The following DEDD variants were observed in gnomAD, a reference collection of about 807,000 sequenced individuals.
DEDD encodes death effector domain containing.
A neutral mutation model predicts 29.2 loss-of-function variants in DEDD; 3 were observed. The ratio of observed to expected loss-of-function variants is 0.10; its 90% CI spans 0.05 to 0.27. The LOEUF (loss-of-function observed/expected upper bound fraction) is 0.27. DEDD is among the 10% of genes least tolerant of loss of function. The pLI is 1.00. For synonymous variants in DEDD, 152 were observed against 161.3 expected, an observed-to-expected ratio of 0.94 and a Z score of 0.44; for missense variants, 261 against 420.5, an observed-to-expected ratio of 0.62 and a Z score of 3.32.
chr1:161,125,780 G>A (rs1203197738), intron 2 of DEDD, among the ~76,000 whole-genome samples: 2 of 152,184 alleles, frequency 1.3e-5, no homozygotes, highest in East Asian at 3.8e-4. Context: ...GGGATTACAG[G>A]CGTGAGCCAC....
At position 161,123,227 on chromosome 1, in the gene DEDD, CA is replaced by C; in HGVS notation, c.434-7del. ...CACAGGATAGTGGGGAGGCACTGACCAGAAAGTAAAAGGGAAGAAAACACAG... is the reference window on the plus strand; with the variant it reads ...CACAGGATAGTGGGGAGGCACTGACCGAAAGTAAAAGGGAAGAAAACACAG... On this transcript the variant is annotated splice_polypyrimidine_tract_variant and splice_region_variant and intron_variant, in intron 4 of 5. Transcript: ENST00000368006. 2 of 1,611,518 alleles carry C rather than the reference CA, an allele frequency of 1.2e-6. No individual in the cohort carries two copies. The highest frequency in any genetic ancestry group is 4.5e-5 in the East Asian group (2 of 44,804).
chr1:161,131,899 C>T (rs1656707702), intron 1 of DEDD, among the ~76,000 whole-genome samples: 1 of 152,016 alleles, frequency 6.6e-6, no homozygotes, highest in Admixed American at 6.6e-5. Flanking sequence ...ATCTCCCATT[C>T]CACTCCCCTT....
chr1:161,129,944 TC>T (rs1348246065), intron 2 of DEDD, among the ~76,000 whole-genome samples: 1 of 152,178 alleles, frequency 6.6e-6, no homozygotes, highest in East Asian at 1.9e-4. Context: ...TTTAGAGAAG[TC>T]CAAGTCAGCC....
chr1:161,122,268 T>G lies in DEDD; in HGVS notation c.836A>C (p.Asp279Ala). The change falls in exon 6 of 6, where the codon GAC becomes GCC. Residue 279 changes from aspartate to alanine, a missense_variant. By Grantham distance (126) the Asp-to-Ala change is moderately radical (BLOSUM62 -2). Coordinates refer to ENST00000368006, the MANE Select transcript of DEDD (RefSeq NM_032998.3). The surrounding 1 kb of genome is among the most constrained non-coding windows in gnomAD (Gnocchi z 4.2). ...LEALKGVFIT[D>A]SLKQAVGHEA... Reference sequence around the variant, plus strand: ...ATGGCCCACAGCTTGCTTGAGGGAGTCTGTGATGAAGACACCTTTAAGTGC... The same window carrying G: ...ATGGCCCACAGCTTGCTTGAGGGAGGCTGTGATGAAGACACCTTTAAGTGC... 6.2e-7 allele frequency: 1 copy of G among 1,613,946 alleles called. No homozygotes were observed. Among genetic ancestry groups the G allele is most frequent in the Non-Finnish European group, 8.5e-7 (1 of 1,179,990 alleles).
intron 2 of DEDD, among the ~76,000 whole-genome samples, chr1:161,128,091 A>G (rs1012243031): frequency 6.6e-6 from 1 of 152,220 alleles, no homozygotes; most frequent in Non-Finnish European, 1.5e-5. Context: ...ATTTGAGAGG[A>G]AACAAACACA....
intron 1 of DEDD, chr1:161,131,221 G>GA (rs906439073): frequency 2.6e-5 from 4 of 152,060 alleles, no homozygotes; most frequent in African/African-American, 9.7e-5. Flanking sequence ...TTCACCTTTA[G>GA]AAAAAACTGG....
chr1:161,121,813 T>C lies in DEDD; in HGVS notation c.*334A>G, dbSNP rs1446312344. ...GAAGTATTGATAACTCCTTAGTGCATCCAAAAAAAAGTGTTCACATCAATC... is the reference window on the plus strand; with the variant it reads ...GAAGTATTGATAACTCCTTAGTGCACCCAAAAAAAAGTGTTCACATCAATC... On this transcript the variant is annotated 3_prime_UTR_variant, in exon 6 of 6. Coordinates refer to ENST00000368006, the MANE Select transcript of DEDD (RefSeq NM_032998.3). 4.5e-6 allele frequency: 1 copy of C among 224,230 alleles called. No homozygotes were observed. The highest frequency in any genetic ancestry group is 9.0e-6 in the Non-Finnish European group (1 of 110,830). 13.9% of individuals were successfully genotyped at this position (224,230 alleles called of 1,614,324 possible).
At chr1:161,126,962 G>A (rs1656243973) in intron 2 of DEDD, among the ~76,000 whole-genome samples, 1 of 152,018 alleles carries the variant, frequency 6.6e-6, no homozygotes, top group Admixed American at 6.6e-5. Flanking sequence ...CCTCTTCTGT[G>A]CGCTTATGGA....
chr1:161,132,070 A>G (rs921950229), intron 1 of DEDD: 8 of 137,436 alleles, frequency 5.8e-5, no homozygotes, highest in South Asian at 4.6e-4. Context: ...GAAGCCCCCC[A>G]GAAACGTCTT....
chr1:161,121,067 C>CT lies in DEDD; in HGVS notation c.*1079dup. 1 of 1,221,956 alleles carries CT rather than the reference C, an allele frequency of 8.2e-7. No individual in the cohort carries two copies. Among genetic ancestry groups the CT allele is most frequent in the Non-Finnish European group, 1.0e-6 (1 of 971,350 alleles). The allele number at this position is 1,221,956 out of a possible 1,614,324, so 75.7% of individuals were successfully genotyped here. On this transcript the variant is annotated 3_prime_UTR_variant, in exon 6 of 6. Coordinates refer to ENST00000368006, the MANE Select transcript of DEDD (RefSeq NM_032998.3). ...TTGAAAAATATAATAATCATAAAGT[C>CT]TGTGTCTGGACATCGCCTTTGGGAA...
chr1:161,125,259 T>A (rs1656039384), intron 2 of DEDD: 1 of 152,174 alleles, frequency 6.6e-6, no homozygotes, highest in Non-Finnish European at 1.5e-5. Context: ...AAATCACGGG[T>A]AACCCTTATA....
chr1:161,123,339 G>A, intron 4 of DEDD, 118 bp from the exon 5 acceptor site: 1 of 1,015,926 alleles, frequency 9.8e-7, no homozygotes, highest in Non-Finnish European at 1.4e-6. Context: ...GGAAAAATGT[G>A]ACTTGAAAAG....
chr1:161,123,020 T>C (rs751466070), intron 5 of DEDD, 55 bp downstream of exon 5: 28 of 1,614,252 alleles, frequency 1.7e-5, no homozygotes, highest in Non-Finnish European at 2.4e-5. Flanking sequence ...TCCCAGCAGT[T>C]CTTTATATTC....
In DEDD at chr1:161,122,542, A is replaced by C. The variant is rs1032636023; in HGVS notation, c.581-19T>G. 1 of 1,610,098 alleles carries C rather than the reference A, an allele frequency of 6.2e-7. No individual in the cohort carries two copies. Among genetic ancestry groups the C allele is most frequent in the Admixed American group, 1.7e-5 (1 of 59,814 alleles). On this transcript the variant is annotated intron_variant, in intron 5 of 5. Coordinates refer to ENST00000368006, the MANE Select transcript of DEDD (RefSeq NM_032998.3). This position sits in a 1 kb window ranked among gnomAD's most constrained non-coding sequence, Gnocchi z 4.2. Reference sequence around the variant, plus strand: ...CTGATGTCTGTTGGAAACAGAAGATACAGAGCAGAAGAGGTTACAGTAAGG... The same window carrying C: ...CTGATGTCTGTTGGAAACAGAAGATCCAGAGCAGAAGAGGTTACAGTAAGG...
chr1:161,125,753 C>T (rs991905304), intron 2 of DEDD, among the ~76,000 whole-genome samples: 3 of 152,148 alleles, frequency 2.0e-5, no homozygotes, highest in East Asian at 1.9e-4. Context: ...CCACCCACCT[C>T]GGCCTCCCAA....
At chr1:161,129,191 T>C (rs1276538886) in intron 2 of DEDD, among the ~76,000 whole-genome samples, 1 of 152,204 alleles carries the variant, frequency 6.6e-6, no homozygotes, top group East Asian at 1.9e-4. Context: ...CTCAAGGCCA[T>C]GTGCTTGGGA....
chr1:161,123,043 G>A (rs1398502039), intron 5 of DEDD, 32 bp downstream of exon 5: 1 of 1,614,050 alleles, frequency 6.2e-7, no homozygotes, highest in Admixed American at 1.7e-5. Flanking sequence ...CTTCAAGTCT[G>A]CTCCATCTCT....
Position 161,122,867 on chromosome 1 carries a change from T to C in DEDD, c.580+208A>G. 1 of 892,720 alleles carries C rather than the reference T, an allele frequency of 1.1e-6. No individual in the cohort carries two copies. The highest frequency in any genetic ancestry group is 1.8e-6 in the Non-Finnish European group (1 of 570,200). The allele number at this position is 892,720 out of a possible 1,614,324, so 55.3% of individuals were successfully genotyped here. On this transcript the variant is annotated intron_variant, in intron 5 of 5. Transcript: ENST00000368006. This position sits in a 1 kb window ranked among gnomAD's most constrained non-coding sequence, Gnocchi z 4.2. ...GGATGTCATAACAACATCCCTGTGA[T>C]GTAGTATTAACTAACAAGAGTTGAA... is the stretch of plus-strand genomic sequence containing the variant.
chr1:161,125,265 T>C (rs1029454772), intron 2 of DEDD: 1 of 152,164 alleles, frequency 6.6e-6, no homozygotes, highest in African/African-American at 2.4e-5. Context: ...CGGGTAACCC[T>C]TATATAAATG....
Sources: gnomAD v4.1 joint callset for allele counts (sites outside exome capture counted in the v4.1 genomes callset) on GRCh38, gnomAD v4.1.1 for gene constraint, Gnocchi (gnomAD v3.1) non-coding constraint, MANE v1.5 for transcripts, NCBI Gene and HGNC (gene_info 2026-07-23, HGNC 2026-07-21) for gene names.